NSD1: variants seen among roughly 807,000 people sequenced by gnomAD.
The protein encoded by NSD1 is nuclear receptor binding SET domain protein 1.
NSD1 carries 26 observed loss-of-function variants against 242.7 expected under a neutral mutation model. The observed-to-expected ratio is 0.11, with a 90% CI of 0.08 to 0.15. The LOEUF (loss-of-function observed/expected upper bound fraction) is 0.15. Among genes scored for constraint, NSD1 ranks in the 10% least tolerant of loss-of-function variants. NSD1 has a pLI of 1.00. For missense variants in NSD1, 2,495 were observed against 3,272.8 expected, an observed-to-expected ratio of 0.76 and a Z score of 5.80; for synonymous variants, 1,106 against 1,178.1, an observed-to-expected ratio of 0.94 and a Z score of 1.25.
chr5:177,246,800 T>TTAC lies in NSD1; in HGVS notation c.4497+6_4497+8dup, dbSNP rs1766334987. 1 of 1,593,628 alleles carries TTAC rather than the reference T, an allele frequency of 6.3e-7. No homozygotes were observed. Among genetic ancestry groups the TTAC allele is most frequent in the African/African-American group, 1.3e-5 (1 of 74,512 alleles). On this transcript the variant is annotated splice_donor_region_variant and intron_variant, in intron 10 of 22. Transcript: ENST00000439151. The stretch of plus-strand genomic sequence containing the variant: ...AAAAGAGATTCCAGGCTCAGAGGTA[T>TTAC]TACTCAGTTCCTGATCTTTTCACCT...
intron 7 of NSD1, among the ~76,000 whole-genome samples, chr5:177,239,361 T>A (rs1167612058): frequency 6.6e-6 from 1 of 152,242 alleles, no homozygotes; most frequent in Admixed American, 6.5e-5. Flanking sequence ...TATTGAATTT[T>A]ATTTACTTAG....
intron 20 of NSD1, among the ~76,000 whole-genome samples, chr5:177,284,919 C>G (rs893128799): frequency 6.6e-6 from 1 of 152,100 alleles, no homozygotes; most frequent in Admixed American, 6.6e-5. Context: ...TGGGTAGTAT[C>G]GTGAGAACTC....
At chr5:177,170,309 G>A (rs1759585135) in intron 2 of NSD1, among the ~76,000 whole-genome samples, 1 of 150,978 alleles carries the variant, frequency 6.6e-6, no homozygotes, top group Non-Finnish European at 1.5e-5. Flanking sequence ...TTTTTGGTGG[G>A]AGTCAGTACC....
At chr5:177,182,898 A>G (rs1760812325) in intron 2 of NSD1, among the ~76,000 whole-genome samples, 2 of 152,142 alleles carry the variant, frequency 1.3e-5, no homozygotes, top group Admixed American at 1.3e-4. Context: ...TCGGCCTCCC[A>G]AAGTGCTGGC....
chr5:177,234,543 G>A (rs75617660), intron 5 of NSD1, among the ~76,000 whole-genome samples: 11,947 of 152,096 alleles, frequency 0.079, 983 homozygotes, highest in African/African-American at 0.21. Context: ...CCGGTGAAAT[G>A]CTGTCTGTAC....
At chr5:177,225,701 G>A (rs1364286892) in intron 5 of NSD1, among the ~76,000 whole-genome samples, 1 of 152,096 alleles carries the variant, frequency 6.6e-6, no homozygotes, top group Admixed American at 6.6e-5. Flanking sequence ...TAAAGCAGAT[G>A]ATGTCTTTTC....
At chr5:177,131,870 C>T (rs1409193064), upstream of NSD1, among the ~76,000 whole-genome samples, 1 of 152,206 alleles carries the variant, frequency 6.6e-6, no homozygotes, top group Non-Finnish European at 1.5e-5. Flanking sequence ...TTATGGCGGC[C>T]GGATCCGGCT....
chr5:177,258,543 T>TG (rs1756723037), intron 13 of NSD1, among the ~76,000 whole-genome samples: 1 of 150,478 alleles, frequency 6.6e-6, no homozygotes, highest in Admixed American at 6.6e-5. Context: ...TTGTTGTTGT[T>TG]TTTTTTTTTG....
intron 2 of NSD1, among the ~76,000 whole-genome samples, chr5:177,140,023 G>C (rs1756680408): frequency 6.6e-6 from 1 of 151,862 alleles, no homozygotes; most frequent in African/African-American, 2.4e-5. Flanking sequence ...TCTGGAATTA[G>C]AGAAAGAAGG....
At chr5:177,271,559 G>A (rs1252059366) in intron 16 of NSD1, among the ~76,000 whole-genome samples, 1 of 152,084 alleles carries the variant, frequency 6.6e-6, no homozygotes, top group Admixed American at 6.5e-5. Context: ...CTTTGAAGAA[G>A]GAAAAGGACT....
At chr5:177,254,249 C>T (rs969745055) in intron 12 of NSD1, among the ~76,000 whole-genome samples, 1 of 152,054 alleles carries the variant, frequency 6.6e-6, no homozygotes, top group Non-Finnish European at 1.5e-5. Flanking sequence ...ACCTGGCCAA[C>T]TTTTTCATAT....
Position 177,292,045 on chromosome 5 carries a change from G to A in NSD1, c.6350G>A (p.Arg2117Gln), listed in dbSNP as rs565491746. The A allele has an allele frequency of 1.9e-6, 3 of 1,614,140 alleles. No homozygotes were observed. The highest frequency in any genetic ancestry group is 2.2e-5 in the East Asian group (1 of 44,886). Residue 2117 changes from arginine to glutamine, a missense_variant, in exon 22 of 23, where the codon CGA becomes CAA. Physicochemically the swap from Arg to Gln is conservative, Grantham distance 43. Coordinates refer to ENST00000439151, the MANE Select transcript of NSD1 (RefSeq NM_022455.5). Reference protein sequence around the residue: ...RRTQGEITKEREDECFSCGDA... With the variant: ...RRTQGEITKEQEDECFSCGDA... The stretch of plus-strand genomic sequence containing the variant: ...ACCCAGGGTGAAATCACAAAGGAGC[G>A]AGAAGATGAGTGTTTTAGTTGTGGG...
rs1198843553 is a variant in NSD1, at chr5:177,229,704, A to G, written c.3797-6117A>G. 3 of 373,480 alleles carry G rather than the reference A, an allele frequency of 8.0e-6. No individual in the cohort carries two copies. The Admixed American group carries it at 9.6e-5, about 12-fold the overall frequency. The allele number at this position is 373,480 out of a possible 1,614,324, so 23.1% of individuals were successfully genotyped here. On this transcript the variant is annotated intron_variant, in intron 5 of 22. Transcript: ENST00000439151. ...TTGGGGTAGTTGAGGCAAGGAAGAA[A>G]GAGGGGAAGCCTAGCAACAGCCAGG...
In NSD1 at chr5:177,210,524, A is replaced by G. The variant is rs1461402096; in HGVS notation, c.2125A>G (p.Thr709Ala). The G allele has an allele frequency of 4.3e-6, 7 of 1,614,112 alleles. No homozygotes were observed. The highest frequency in any genetic ancestry group is 5.9e-6 in the Non-Finnish European group (7 of 1,180,052). Residue 709 changes from threonine to alanine, a missense_variant, in exon 5 of 23, where the codon ACA becomes GCA. Coordinates refer to ENST00000439151, the MANE Select transcript of NSD1 (RefSeq NM_022455.5). ...GAAGCCTCTCATTAGTAACTCACAT[A>G]CAGACCACTTAATGGGTTGTACTAA... ...KQKPLISNSHTDHLMGCTKSA... is the reference protein window; with the variant it reads ...KQKPLISNSHADHLMGCTKSA...
At chr5:177,219,953 T>C (rs1302596203) in intron 5 of NSD1, among the ~76,000 whole-genome samples, 1 of 151,784 alleles carries the variant, frequency 6.6e-6, no homozygotes, top group Non-Finnish European at 1.5e-5. Context: ...CAGAGTAAGA[T>C]CCTGTGTCAA....
At position 177,300,041 on chromosome 5, in the gene NSD1, A is replaced by G. The variant is rs368281627; in HGVS notation, c.*4582A>G. ...TCGGGGGGATCAGCCAAGGTCCATC[A>G]TTGCTTTTTTGCCGCGCCCCCCCCC... On this transcript the variant is annotated 3_prime_UTR_variant, in exon 23 of 23. Coordinates refer to ENST00000439151, the MANE Select transcript of NSD1 (RefSeq NM_022455.5). 3 of 184,610 alleles carry G rather than the reference A, an allele frequency of 1.6e-5. No individual in the cohort carries two copies. The highest frequency in any genetic ancestry group is 8.8e-5 in the African/African-American group (3 of 34,020). 11.4% of individuals were successfully genotyped at this position (184,610 alleles called of 1,614,324 possible). A position where few individuals can be genotyped will look rare whatever the true frequency, so the allele number is the denominator to read the frequency against.
At chr5:177,176,871 C>T (rs943243879) in intron 2 of NSD1, among the ~76,000 whole-genome samples, 2 of 152,032 alleles carry the variant, frequency 1.3e-5, no homozygotes, top group South Asian at 2.1e-4. Flanking sequence ...GGCAGATATC[C>T]ATTTCTTGGG....
intron 17 of NSD1, among the ~76,000 whole-genome samples, chr5:177,277,504 T>C (rs1390522498): frequency 6.6e-6 from 1 of 152,212 alleles, no homozygotes; most frequent in Non-Finnish European, 1.5e-5. Context: ...TCCTGATCTA[T>C]AGTGAGATTT....
At chr5:177,220,869 C>A (rs967372562) in intron 5 of NSD1, 1 of 326,732 alleles carries the variant, frequency 3.1e-6, no homozygotes, top group Non-Finnish European at 6.0e-6. Flanking sequence ...CTGTGGTCGG[C>A]CTCTTTTTTT....
Sources: allele counts gnomAD v4.1 joint callset (sites outside exome capture counted in the v4.1 genomes callset), GRCh38; gene constraint gnomAD v4.1.1; transcripts MANE v1.5; gene names NCBI Gene and HGNC (gene_info 2026-07-23, HGNC 2026-07-21).